SLC22A16: variants seen among roughly 807,000 people sequenced by gnomAD.
The protein encoded by SLC22A16 is solute carrier family 22 member 16, also known as WUGSC:RG331P03.1.
In SLC22A16, 53 loss-of-function variants were observed where a neutral mutation model predicts 52.9. That is an observed-to-expected ratio of 1.00 (90% CI 0.80 to 1.26). The LOEUF is 1.26. Among genes scored for constraint, SLC22A16 ranks in the 50% most tolerant of loss-of-function variants. The probability of loss-of-function intolerance (pLI) is 0.00; values close to 1 mark genes in which losing one functional copy is unlikely to be tolerated. For missense variants in SLC22A16, 726 were observed against 704.0 expected (o/e 1.03, Z -0.35); for synonymous variants, 291 against 268.8 (o/e 1.08, Z -0.81).
chr6:110,471,224 G>A (rs901761900), intron 1 of SLC22A16, among the ~76,000 whole-genome samples: 1 of 152,062 alleles, frequency 6.6e-6, no homozygotes, highest in South Asian at 2.1e-4. Flanking sequence ...TGTTACAATT[G>A]CCTACAGTAT....
At position 110,424,784 on chromosome 6, in the gene SLC22A16, A is replaced by G; in HGVS notation, c.*89T>C. The G allele has an allele frequency of 7.2e-7, 1 of 1,387,474 alleles. No individual in the cohort carries two copies. The allele number at this position is 1,387,474 out of a possible 1,614,324, so 85.9% of individuals were successfully genotyped here. A position where few individuals can be genotyped will look rare whatever the true frequency, so the allele number is the denominator to read the frequency against. On this transcript the variant is annotated 3_prime_UTR_variant, in exon 8 of 8. Coordinates refer to ENST00000368919, the MANE Select transcript of SLC22A16 (RefSeq NM_033125.4). The stretch of plus-strand genomic sequence containing the variant: ...AAATTTATTAAAAAGACATACAAAC[A>G]ACATATGGGAGATGAGAATAAGATT...
chr6:110,454,596 T>A (rs1775514543), intron 2 of SLC22A16, among the ~76,000 whole-genome samples: 2 of 98,588 alleles, frequency 2.0e-5, no homozygotes, highest in South Asian at 5.2e-4. Flanking sequence ...AATATATATT[T>A]ATATATATTA....
intron 4 of SLC22A16, among the ~76,000 whole-genome samples, chr6:110,439,616 A>C (rs755910282): frequency 3.3e-4 from 50 of 152,374 alleles, no homozygotes; most frequent in Non-Finnish European, 5.7e-4. Context: ...ATGTGCCGTC[A>C]GAGCACTTTA....
At chr6:110,444,503 C>T (rs889736419) in intron 3 of SLC22A16, among the ~76,000 whole-genome samples, 1 of 152,202 alleles carries the variant, frequency 6.6e-6, no homozygotes, top group Non-Finnish European at 1.5e-5. Flanking sequence ...TGCCAGATCC[C>T]CACTGGCCAA....
intron 1 of SLC22A16, among the ~76,000 whole-genome samples, chr6:110,458,583 T>C (rs1775754924): frequency 6.6e-6 from 1 of 152,240 alleles, no homozygotes; most frequent in African/African-American, 2.4e-5. Context: ...TTAACTTGAC[T>C]GGGTTAAGGG....
In SLC22A16 at chr6:110,430,267, T is replaced by C. The variant is rs557008649; in HGVS notation, c.1521+904A>G. Among the ~76,000 whole-genome samples, 6 of 152,172 alleles carry C rather than the reference T, an allele frequency of 3.9e-5. No individual in the cohort carries two copies. In the South Asian group the frequency reaches 1.2e-3, roughly 32 times the overall value. ...CATGCTTGAGGCCACTGACCTATCC[T>C]TAACCAAAAGTGGAAGACAGGTGTC... On this transcript the variant is annotated intron_variant, in intron 7 of 7. Coordinates refer to ENST00000368919, the MANE Select transcript of SLC22A16 (RefSeq NM_033125.4).
intron 4 of SLC22A16, chr6:110,439,929 T>C (rs977355560): frequency 6.6e-6 from 1 of 152,188 alleles, no homozygotes. Flanking sequence ...CACTTGAAGG[T>C]TGAGAGGTGC....
intron 2 of SLC22A16, among the ~76,000 whole-genome samples, chr6:110,447,306 T>C (rs563493351): frequency 1.3e-5 from 2 of 152,210 alleles, no homozygotes; most frequent in Non-Finnish European, 2.9e-5. Flanking sequence ...GGACTTTGGC[T>C]CTCTGTGGGA....
At chr6:110,428,888 C>T (rs1040114464) in intron 7 of SLC22A16, among the ~76,000 whole-genome samples, 1 of 152,074 alleles carries the variant, frequency 6.6e-6, no homozygotes, top group Non-Finnish European at 1.5e-5. Context: ...CCACTGCACT[C>T]CCGCCTGGTC....
At chr6:110,430,312 G>A (rs542863821) in intron 7 of SLC22A16, among the ~76,000 whole-genome samples, 1 of 152,174 alleles carries the variant, frequency 6.6e-6, no homozygotes, top group African/African-American at 2.4e-5. Context: ...TTCTACTTGG[G>A]AGACATTGAG....
chr6:110,442,712 G>T lies in SLC22A16; in HGVS notation c.715C>A (p.Arg239=). ...YVMEFIGMKS[R]TWASVHLHSF... is the part of the protein sequence containing the mutation. ...TGCAAATGGACAGACGCCCATGTCC[G>T]AGACTTCATGCCAATGAATTCCATC... Residue 239 remains arginine (R), a synonymous_variant, in exon 4 of 8, where the codon CGG becomes AGG. Transcript: ENST00000368919. 1 of 1,614,110 alleles carries T rather than the reference G, an allele frequency of 6.2e-7. No homozygotes were observed. The highest frequency in any genetic ancestry group is 8.5e-7 in the Non-Finnish European group (1 of 1,180,020).
chr6:110,425,027 G>A lies in SLC22A16; in HGVS notation c.1580C>T (p.Thr527Ile). 1 of 1,614,124 alleles carries A rather than the reference G, an allele frequency of 6.2e-7. No homozygotes were observed. The highest frequency in any genetic ancestry group is 8.5e-7 in the Non-Finnish European group (1 of 1,180,032). ...AGTAGTTGCTAGCCGTTTCCCAAGG[G>A]TTTCTGGAAGCTTTAGTGTTAACAC... ...SGVLTLKLPE[T>I]LGKRLATTWE... The change falls in exon 8 of 8, where the codon ACC becomes ATC. Residue 527 changes from threonine (T) to isoleucine (I), a missense_variant. Transcript: ENST00000368919.
At chr6:110,428,910 ACT>A (rs1167405691) in intron 7 of SLC22A16, among the ~76,000 whole-genome samples, 3 of 152,096 alleles carry the variant, frequency 2.0e-5, no homozygotes, top group Admixed American at 6.6e-5. Flanking sequence ...ACAGAGCAAG[ACT>A]CTGTCTCAGA....
In SLC22A16 at chr6:110,461,516, G is replaced by A. The variant is rs113385200; in HGVS notation, c.54-4499C>T. Among the ~76,000 whole-genome samples, 641 of 152,194 alleles carry A rather than the reference G, an allele frequency of 4.2e-3. 6 individuals are homozygous for A. The highest frequency in any genetic ancestry group is 0.014 in the African/African-American group (583 of 41,506). On this transcript the variant is annotated intron_variant, in intron 1 of 7. Coordinates refer to ENST00000368919, the MANE Select transcript of SLC22A16 (RefSeq NM_033125.4). The stretch of plus-strand genomic sequence containing the variant: ...GAGCTAGCTCTTCTTACCCTCAAGC[G>A]TCACTTACTGGACTAGAGACTGAAC...
At chr6:110,453,738 T>C in intron 2 of SLC22A16, 1 of 455,826 alleles carries the variant, frequency 2.2e-6, no homozygotes, top group Non-Finnish European at 4.4e-6. Context: ...TATTAGTTAA[T>C]TTTATGTTGC....
Position 110,476,443 on chromosome 6 carries a change from G to A in SLC22A16, c.53+79C>T, listed in dbSNP as rs897133477. 339 of 1,427,462 alleles carry A rather than the reference G, an allele frequency of 2.4e-4. 4 individuals are homozygous for A. The highest frequency in any genetic ancestry group is 7.5e-4 in the Middle Eastern group (4 of 5,310). 88.4% of individuals were successfully genotyped at this position (1,427,462 alleles called of 1,614,324 possible). On this transcript the variant is annotated intron_variant, in intron 1 of 7. Transcript: ENST00000368919. ...TGTTTTCGGATCGCGAGCGCCGCGC[G>A]AGAACCCCGCCGCAACGGAAAGAAA...
At position 110,442,592 on chromosome 6, in the gene SLC22A16, C is replaced by T. The variant is rs369295225; in HGVS notation, c.835G>A (p.Val279Ile). 1 of 1,614,160 alleles carries T rather than the reference C, an allele frequency of 6.2e-7. No individual in the cohort carries two copies. The highest frequency in any genetic ancestry group is 1.3e-5 in the African/African-American group (1 of 75,052). The change falls in exon 4 of 8, where the codon GTC (valine) becomes ATC (isoleucine). Residue 279 changes from valine to isoleucine, a missense_variant. By Grantham distance (29) the Val-to-Ile change is conservative. Transcript: ENST00000368919. ...ACCCAACAGCACAGGATAAAGGGGA[C>T]AGTCACTGTGGAGAGGATCATCTGG... ...LYQMILSTVT[V>I]PFILCCWVLP...
At chr6:110,441,381 G>A in intron 4 of SLC22A16, among the ~76,000 whole-genome samples, 1 of 152,140 alleles carries the variant, frequency 6.6e-6, no homozygotes, top group East Asian at 1.9e-4. Context: ...TAAACAAGTG[G>A]GATCAAGATC....
chr6:110,476,304 G>C (rs1776474529), intron 1 of SLC22A16: 3 of 1,351,220 alleles, frequency 2.2e-6, no homozygotes, highest in African/African-American at 3.0e-5. Flanking sequence ...CGAGCCCAGC[G>C]CCTCTGCTCA....
Sources: gnomAD v4.1 joint callset for allele counts (sites outside exome capture counted in the v4.1 genomes callset) on GRCh38, gnomAD v4.1.1 for gene constraint, MANE v1.5 for transcripts, NCBI Gene and HGNC (gene_info 2026-07-23, HGNC 2026-07-21) for gene names.